The following DPP6 variants were observed in gnomAD, a reference collection of about 807,000 sequenced individuals.
DPP6 encodes dipeptidyl peptidase like 6.
A neutral mutation model predicts 122.6 loss-of-function variants in DPP6; 69 were observed. The observed-to-expected ratio is 0.56, with a 90% CI of 0.46 to 0.69. The LOEUF is 0.69. Ranked by LOEUF, DPP6 falls within the 30% of genes least tolerant of loss-of-function variation. The pLI is 0.00. For synonymous variants in DPP6, 418 were observed against 433.1 expected, an observed-to-expected ratio of 0.97 and a Z score of 0.43; for missense variants, 928 against 1,116.9, an observed-to-expected ratio of 0.83 and a Z score of 2.41.
chr7:153,961,752 A>G (rs2129028479), intron 1 of DPP6, among the ~76,000 whole-genome samples: 1 of 134,230 alleles, frequency 7.4e-6, no homozygotes, highest in Admixed American at 7.8e-5. Flanking sequence ...GATGGGAGAC[A>G]GTGACAGATC....
chr7:154,065,310 G>A (rs1563162850), intron 1 of DPP6, among the ~76,000 whole-genome samples: 1 of 131,628 alleles, frequency 7.6e-6, no homozygotes, highest in Non-Finnish European at 1.6e-5. Flanking sequence ...CTCTTTGAGG[G>A]CCCTGGGAGC....
chr7:154,883,927 CAT>C (rs1491044442), intron 21 of DPP6: 98 of 143,770 alleles, frequency 6.8e-4, no homozygotes, highest in African/African-American at 2.1e-3. Context: ...CACGCTCACA[CAT>C]ACACACGAGT....
chr7:154,797,374 G>T (rs1362707399), intron 12 of DPP6, among the ~76,000 whole-genome samples: 1 of 151,744 alleles, frequency 6.6e-6, no homozygotes, highest in Non-Finnish European at 1.5e-5. Flanking sequence ...TGTGTTATAT[G>T]TATATATACA....
At position 154,807,486 on chromosome 7, in the gene DPP6, G is replaced by A. The variant is rs1340963449; in HGVS notation, c.1666+374G>A. ...GCCATCAATCCATCAATAAAGATAG[G>A]AAAACAATTTCAAAGATTAACTTTT... is the stretch of plus-strand genomic sequence containing the variant. On this transcript the variant is annotated intron_variant, in intron 16 of 25. Transcript: ENST00000377770. Among the ~76,000 whole-genome samples, 4 of 152,134 alleles carry A rather than the reference G, an allele frequency of 2.6e-5. No homozygotes were observed. The East Asian group carries it at 7.7e-4, about 29-fold the overall frequency.
chr7:154,464,031 G>T (rs147171664), intron 2 of DPP6, among the ~76,000 whole-genome samples: 1 of 152,144 alleles, frequency 6.6e-6, no homozygotes, highest in East Asian at 1.9e-4. Context: ...CAAGACTTGC[G>T]CAGGAATTGC....
intron 8 of DPP6, among the ~76,000 whole-genome samples, chr7:154,752,729 A>G (rs1460228593): frequency 1.3e-5 from 2 of 152,160 alleles, no homozygotes; most frequent in South Asian, 2.1e-4. Context: ...CCTGACCTAC[A>G]GTGGCGGCCG....
At chr7:154,495,086 G>A (rs968113022) in intron 3 of DPP6, among the ~76,000 whole-genome samples, 2 of 152,204 alleles carry the variant, frequency 1.3e-5, no homozygotes, top group African/African-American at 2.4e-5. Context: ...AGGGAGCAGG[G>A]AATTTCTCTA....
intron 3 of DPP6, among the ~76,000 whole-genome samples, chr7:154,531,879 AAGAC>A (rs1392603250): frequency 6.6e-6 from 1 of 152,140 alleles, no homozygotes; most frequent in Non-Finnish European, 1.5e-5. Flanking sequence ...TATAACTTCT[AAGAC>A]AACCACAAAA....
At chr7:153,921,052 C>T (rs907127639) in intron 1 of DPP6, among the ~76,000 whole-genome samples, 4 of 152,230 alleles carry the variant, frequency 2.6e-5, no homozygotes, top group African/African-American at 4.8e-5. Flanking sequence ...TGCTCTATAG[C>T]GAGAAGATCT....
chr7:154,689,140 A>G (rs1483511159), intron 7 of DPP6, among the ~76,000 whole-genome samples: 3 of 152,210 alleles, frequency 2.0e-5, no homozygotes, highest in Non-Finnish European at 4.4e-5. Flanking sequence ...CAGAACAGCA[A>G]TAGTGAAGAT....
intron 1 of DPP6, among the ~76,000 whole-genome samples, chr7:154,229,904 T>C (rs1221976847): frequency 1.3e-5 from 2 of 152,188 alleles, no homozygotes; most frequent in African/African-American, 4.8e-5. Context: ...GCATAGTTGG[T>C]TTTTATAATA....
Position 154,727,934 on chromosome 7 carries a change from G to A in DPP6, c.883+47G>A, listed in dbSNP as rs1299542580. ...AAAAGGAAGATTTGTGGTTGCTGCT[G>A]CTGCTACATTGGAGTTGGGTTCTTT... On this transcript the variant is annotated intron_variant, in intron 8 of 25. Transcript: ENST00000377770. The A allele has an allele frequency of 1.9e-6, 3 of 1,547,590 alleles. No homozygotes were observed. In the Admixed American group the frequency reaches 5.7e-5, roughly 30 times the overall value.
intron 7 of DPP6, among the ~76,000 whole-genome samples, chr7:154,711,952 A>ACACACAACACACG (rs1415174470): frequency 6.6e-6 from 1 of 151,760 alleles, no homozygotes; most frequent in Non-Finnish European, 1.5e-5. Context: ...ACACACACAC[A>ACACACAACACACG]CACACACACA....
chr7:154,004,819 G>A (rs1797842625), intron 1 of DPP6, among the ~76,000 whole-genome samples: 1 of 152,120 alleles, frequency 6.6e-6, no homozygotes, highest in Non-Finnish European at 1.5e-5. Context: ...CTTTTCATTT[G>A]TTCCCAATGT....
At chr7:154,024,992 C>A (rs2129053121) in intron 1 of DPP6, among the ~76,000 whole-genome samples, 1 of 152,332 alleles carries the variant, frequency 6.6e-6, no homozygotes, top group East Asian at 1.9e-4. Flanking sequence ...GTCTTATATT[C>A]TCCAAAACTC....
At chr7:153,762,603 T>C in the DPP6 span, among the ~76,000 whole-genome samples, 2 of 150,314 alleles carry the variant, frequency 1.3e-5, no homozygotes, top group Non-Finnish European at 3.0e-5. Flanking sequence ...AAACCCTGTC[T>C]CTACTAAAAA....
At chr7:154,589,977 C>A (rs1208247610) in intron 5 of DPP6, among the ~76,000 whole-genome samples, 1 of 152,214 alleles carries the variant, frequency 6.6e-6, no homozygotes, top group Non-Finnish European at 1.5e-5. Flanking sequence ...AGCTAATCCT[C>A]TTGTCTTCTT....
intron 1 of DPP6, among the ~76,000 whole-genome samples, chr7:153,932,176 A>G (rs1801201028): frequency 1.4e-5 from 2 of 148,102 alleles, no homozygotes; most frequent in South Asian, 4.3e-4. Context: ...GCTGGAGTAC[A>G]ATGGCGCCAT....
rs528701557 is a variant in DPP6, at chr7:154,486,916, T to G, written c.457+11879T>G. Among the ~76,000 whole-genome samples the G allele has an allele frequency of 6.6e-6, 1 of 152,128 alleles. No homozygotes were observed. Among genetic ancestry groups the G allele is most frequent in the Non-Finnish European group, 1.5e-5 (1 of 68,034 alleles). ...CTGTTGATGCTGCTTAATTCATAAT[T>G]TGGGGACTCAAGTCTCTGCAGGCTC... On this transcript the variant is annotated intron_variant, in intron 3 of 25. Coordinates refer to ENST00000377770, the MANE Select transcript of DPP6 (RefSeq NM_130797.4). This position sits in a 1 kb window ranked among gnomAD's most constrained non-coding sequence, Gnocchi z 4.5.
Sources: gnomAD v4.1 joint callset for allele counts (sites outside exome capture counted in the v4.1 genomes callset) on GRCh38, gnomAD v4.1.1 for gene constraint, Gnocchi (gnomAD v3.1) non-coding constraint, MANE v1.5 for transcripts, NCBI Gene and HGNC (gene_info 2026-07-23, HGNC 2026-07-21) for gene names.